ARHGAP32: variants seen among roughly 807,000 people sequenced by gnomAD.
The protein encoded by ARHGAP32 is rho GTPase-activating protein 32.
A neutral mutation model predicts 186.5 loss-of-function variants in ARHGAP32; 51 were observed. That is an observed-to-expected ratio of 0.27 (90% CI 0.22 to 0.35). The LOEUF (loss-of-function observed/expected upper bound fraction) is 0.35. ARHGAP32 is among the 10% of genes least tolerant of loss of function. The probability of loss-of-function intolerance (pLI) is 1.00; values close to 1 mark genes in which losing one functional copy is unlikely to be tolerated. For missense variants in ARHGAP32, 2,186 were observed against 2,623.5 expected, an observed-to-expected ratio of 0.83 and a Z score of 3.64; for synonymous variants, 950 against 964.3, an observed-to-expected ratio of 0.99 and a Z score of 0.27.
At chr11:129,200,150 G>C (rs1944440481) in intron 1 of ARHGAP32, among the ~76,000 whole-genome samples, 9 of 152,108 alleles carry the variant, frequency 5.9e-5, no homozygotes, top group Admixed American at 5.9e-4. Flanking sequence ...GATTTTACAG[G>C]TTCATAGGCA....
intron 1 of ARHGAP32, among the ~76,000 whole-genome samples, chr11:129,232,668 A>G (rs980512454): frequency 6.6e-6 from 1 of 152,170 alleles, no homozygotes; most frequent in Non-Finnish European, 1.5e-5. Context: ...GCTGGGGGGA[A>G]AAATTTCCTT....
chr11:129,202,311 T>C (rs1433089688), intron 1 of ARHGAP32, among the ~76,000 whole-genome samples: 1 of 152,158 alleles, frequency 6.6e-6, no homozygotes, highest in Non-Finnish European at 1.5e-5. Flanking sequence ...TACAGTTTCT[T>C]CTCTTGAGTA....
chr11:129,142,600 T>C (rs1203920175), intron 2 of ARHGAP32, among the ~76,000 whole-genome samples: 1 of 151,940 alleles, frequency 6.6e-6, no homozygotes, highest in Non-Finnish European at 1.5e-5. Flanking sequence ...ACATCTGAAA[T>C]TGCCATGGAA....
chr11:129,082,330 T>C (rs1941245961), intron 6 of ARHGAP32, among the ~76,000 whole-genome samples: 1 of 151,432 alleles, frequency 6.6e-6, no homozygotes, highest in Admixed American at 6.6e-5. Flanking sequence ...AATCTGGAGG[T>C]ACCACATTAC....
chr11:129,257,525 GCTA>G (rs1049869926), intron 1 of ARHGAP32, among the ~76,000 whole-genome samples: 2 of 151,876 alleles, frequency 1.3e-5, no homozygotes, highest in African/African-American at 4.8e-5. Context: ...TATAACCCCA[GCTA>G]CTCAAAAGGC....
intron 6 of ARHGAP32, among the ~76,000 whole-genome samples, chr11:129,086,820 CAAAAAAAAAA>C (rs150471534): frequency 1.3e-5 from 1 of 78,040 alleles, no homozygotes; most frequent in Non-Finnish European, 2.6e-5. Flanking sequence ...GACTCCATCT[CAAAAAAAAAA>C]AAAAAAAAGA....
chr11:129,042,424 A>C lies in ARHGAP32; in HGVS notation c.964-1415T>G, dbSNP rs576008986. ...GCACTGCCTTCCAAAATGATGCTTT[A>C]GGTATTTGTTTTACTGGTGAAATTC... On this transcript the variant is annotated intron_variant, in intron 10 of 22. Transcript: ENST00000682385. 3.3e-5 allele frequency among the ~76,000 whole-genome samples: 5 copies of C among 152,328 alleles called. No individual in the cohort carries two copies. In the South Asian group the frequency reaches 1.0e-3, roughly 32 times the overall value.
chr11:129,191,291 G>C (rs921405046), intron 1 of ARHGAP32, among the ~76,000 whole-genome samples: 4 of 118,918 alleles, frequency 3.4e-5, no homozygotes, highest in Non-Finnish European at 8.3e-5. Flanking sequence ...AGAGATTTTT[G>C]TGATACTCAA....
At chr11:129,216,335 T>C (rs954999029) in intron 1 of ARHGAP32, among the ~76,000 whole-genome samples, 4 of 152,188 alleles carry the variant, frequency 2.6e-5, no homozygotes, top group African/African-American at 7.2e-5. Context: ...GATATTCTTT[T>C]TCTCTCTCCT....
chr11:129,167,730 G>A (rs1943668209), intron 1 of ARHGAP32, among the ~76,000 whole-genome samples: 2 of 152,150 alleles, frequency 1.3e-5, no homozygotes, highest in African/African-American at 4.8e-5. Flanking sequence ...GAAACATGGA[G>A]AGTTCTACTA....
At chr11:129,050,314 A>G (rs1254259770) in intron 10 of ARHGAP32, among the ~76,000 whole-genome samples, 4 of 152,210 alleles carry the variant, frequency 2.6e-5, no homozygotes, top group Non-Finnish European at 1.5e-5. Context: ...CCTTTTGATG[A>G]TATCTCTTCC....
intron 1 of ARHGAP32, among the ~76,000 whole-genome samples, chr11:129,268,965 A>AG: frequency 6.6e-6 from 1 of 152,298 alleles, no homozygotes; most frequent in African/African-American, 2.4e-5. Flanking sequence ...GCTCAGAGAG[A>AG]GGGGGGTTAT....
chr11:128,976,906 A>G (rs968080868), intron 19 of ARHGAP32, among the ~76,000 whole-genome samples: 3 of 152,246 alleles, frequency 2.0e-5, no homozygotes, highest in African/African-American at 7.2e-5. Flanking sequence ...AGAGAGATTA[A>G]CTAAGATGCT....
intron 5 of ARHGAP32, among the ~76,000 whole-genome samples, chr11:129,107,075 G>A (rs1591620114): frequency 6.6e-6 from 1 of 152,038 alleles, no homozygotes; most frequent in South Asian, 2.1e-4. Context: ...GAAGCAACTG[G>A]TCACATATAA....
chr11:129,093,211 A>T (rs1296511171), intron 6 of ARHGAP32, among the ~76,000 whole-genome samples: 2 of 152,086 alleles, frequency 1.3e-5, no homozygotes, highest in East Asian at 3.8e-4. Context: ...GAATCATTTA[A>T]TGTAGTGATC....
chr11:129,075,630 T>C (rs1941013070), intron 6 of ARHGAP32, among the ~76,000 whole-genome samples: 1 of 152,076 alleles, frequency 6.6e-6, no homozygotes, highest in Non-Finnish European at 1.5e-5. Context: ...AATAGTTGAC[T>C]TAACAGTACC....
chr11:129,118,239 T>C (rs956630054), intron 5 of ARHGAP32, among the ~76,000 whole-genome samples: 2 of 152,038 alleles, frequency 1.3e-5, no homozygotes, highest in Non-Finnish European at 2.9e-5. Context: ...GTAATATTAA[T>C]ATTTGACAAA....
rs373505228 is a variant in ARHGAP32, at chr11:129,058,986, C to T, written c.963+3294G>A. ...TTAATCATCACACAAAAACATAACA[C>T]GCAGTAACAGCAATGTTCCCACCAG... On this transcript the variant is annotated intron_variant, in intron 10 of 22. Transcript: ENST00000682385. Among the ~76,000 whole-genome samples the T allele has an allele frequency of 1.2e-4, 19 of 152,332 alleles. No homozygotes were observed. In the East Asian group the frequency reaches 2.9e-3, roughly 23 times the overall value.
intron 11 of ARHGAP32, among the ~76,000 whole-genome samples, chr11:129,035,775 C>T (rs1049500794): frequency 5.7e-4 from 87 of 151,832 alleles, no homozygotes; most frequent in African/African-American, 2.1e-3. Flanking sequence ...ACCTGGAAGG[C>T]GGAGGTTGCA....
Sources: gnomAD v4.1 joint callset for allele counts (sites outside exome capture counted in the v4.1 genomes callset) on GRCh38, gnomAD v4.1.1 for gene constraint, MANE v1.5 for transcripts, NCBI Gene and HGNC (gene_info 2026-07-23, HGNC 2026-07-21) for gene names.